SFMBT2: variants seen among roughly 807,000 people sequenced by gnomAD.
SFMBT2 encodes scm-like with four MBT domains protein 2.
Under a neutral mutation model 110.1 loss-of-function variants are expected in SFMBT2, and 38 were observed. The ratio of observed to expected loss-of-function variants is 0.35; its 90% confidence interval spans 0.27 to 0.45. SFMBT2 has a LOEUF of 0.45. Ranked by LOEUF, SFMBT2 falls within the 20% of genes least tolerant of loss-of-function variation. SFMBT2 has a pLI of 1.00. For missense variants in SFMBT2, 1,011 were observed against 1,094.9 expected (o/e 0.92, Z 1.08); for synonymous variants, 425 against 425.4 (o/e 1.00, Z 0.01).
Position 7,171,977 on chromosome 10 carries a change from G to C in SFMBT2, c.2333C>G (p.Thr778Arg). The change falls in exon 19 of 21, where the codon ACA (threonine) becomes AGA (arginine). Residue 778 changes from threonine to arginine, a missense_variant. By Grantham distance (71) the Thr-to-Arg change is moderately conservative (BLOSUM62 -1). This residue lies in a region of SFMBT2 where 979 missense variants were observed against 1,016.1 expected (regional missense o/e 0.96). Coordinates refer to ENST00000397167, the MANE Select transcript of SFMBT2 (RefSeq NM_001387889.1). The surrounding 1 kb of genome is among the most constrained non-coding windows in gnomAD (Gnocchi z 4.9). ...AGCCGGCGCCCCGCGGCCCCTTCGT[G>C]TCCTCTCTGGGGGTGGCCGGCGCAC... Reference protein sequence around the residue: ...EPVRRPPPERTRRGRGAPAAS... With the variant: ...EPVRRPPPERRRRGRGAPAAS... 6.5e-7 allele frequency: 1 copy of C among 1,532,054 alleles called. No individual in the cohort carries two copies. The highest frequency in any genetic ancestry group is 8.7e-7 in the Non-Finnish European group (1 of 1,143,022). The allele number at this position is 1,532,054 out of a possible 1,614,324, so 94.9% of individuals were successfully genotyped here.
intron 4 of SFMBT2, among the ~76,000 whole-genome samples, chr10:7,344,034 C>T (rs1356309446): frequency 6.6e-6 from 1 of 152,162 alleles, no homozygotes; most frequent in Non-Finnish European, 1.5e-5. Context: ...CTGAAAGATA[C>T]CACAGTAAGC....
At chr10:7,328,565 G>A (rs185300786) in intron 4 of SFMBT2, among the ~76,000 whole-genome samples, 4 of 152,244 alleles carry the variant, frequency 2.6e-5, no homozygotes, top group South Asian at 2.1e-4. Context: ...TCTTCTAAAC[G>A]TTTTACAGCT....
At chr10:7,362,942 T>C (rs893879828) in intron 4 of SFMBT2, among the ~76,000 whole-genome samples, 3 of 152,210 alleles carry the variant, frequency 2.0e-5, no homozygotes, top group Non-Finnish European at 2.9e-5. Flanking sequence ...GTGCATTATA[T>C]AGGAAAACTA....
intron 4 of SFMBT2, among the ~76,000 whole-genome samples, chr10:7,330,237 C>T (rs764591121): frequency 4.6e-5 from 7 of 152,084 alleles, no homozygotes; most frequent in East Asian, 3.8e-4. Context: ...TACCTTCAGC[C>T]GACTTTATAA....
intron 4 of SFMBT2, 143 bp from the exon 5 acceptor site, chr10:7,286,097 A>C: frequency 1.6e-6 from 1 of 610,212 alleles, no homozygotes; most frequent in East Asian, 2.8e-5. Flanking sequence ...TTTCATCACC[A>C]TGCTTAAGTA....
chr10:7,225,226 G>A (rs1839863839), intron 10 of SFMBT2, among the ~76,000 whole-genome samples: 1 of 152,184 alleles, frequency 6.6e-6, no homozygotes, highest in South Asian at 2.1e-4. Flanking sequence ...TCCACCGCTT[G>A]AGGGTAATTT....
intron 9 of SFMBT2, among the ~76,000 whole-genome samples, chr10:7,241,531 C>T (rs746480828): frequency 1.2e-4 from 18 of 151,946 alleles, no homozygotes; most frequent in Non-Finnish European, 1.6e-4. Context: ...TTTTACCTTA[C>T]CAAATATCAC....
chr10:7,388,422 A>G (rs1242698561), intron 1 of SFMBT2, among the ~76,000 whole-genome samples: 1 of 151,518 alleles, frequency 6.6e-6, no homozygotes, highest in Admixed American at 6.6e-5. Context: ...CAATGGCCCA[A>G]TCTTGGCTCA....
At chr10:7,254,568 TC>T (rs767121500) in intron 7 of SFMBT2, among the ~76,000 whole-genome samples, 4 of 152,040 alleles carry the variant, frequency 2.6e-5, no homozygotes, top group Admixed American at 6.5e-5. Flanking sequence ...ACATCTGTAA[TC>T]CCAGCACTTT....
intron 2 of SFMBT2, among the ~76,000 whole-genome samples, chr10:7,375,358 A>G (rs1051658710): frequency 2.0e-5 from 3 of 152,218 alleles, no homozygotes; most frequent in African/African-American, 7.2e-5. Flanking sequence ...GGCTGACTTT[A>G]CAAGGCTGAA....
intron 4 of SFMBT2, among the ~76,000 whole-genome samples, chr10:7,312,228 T>A (rs142307057): frequency 1.5e-3 from 233 of 150,406 alleles, no homozygotes; most frequent in African/African-American, 5.2e-3. Context: ...AAGTATAATT[T>A]AAAAAAAAAA....
intron 4 of SFMBT2, among the ~76,000 whole-genome samples, chr10:7,328,950 A>C (rs1018742219): frequency 3.3e-5 from 5 of 152,220 alleles, no homozygotes; most frequent in Non-Finnish European, 5.9e-5. Context: ...TGTGAGATCC[A>C]AGCAGCCCAT....
chr10:7,370,172 T>G, intron 3 of SFMBT2, 109 bp downstream of exon 3: 1 of 974,350 alleles, frequency 1.0e-6, no homozygotes, highest in Non-Finnish European at 1.6e-6. Context: ...TGGCCACGAA[T>G]TTCCCTCTTT....
At chr10:7,182,430 CAT>C (rs1838270568) in intron 16 of SFMBT2, among the ~76,000 whole-genome samples, 3 of 152,244 alleles carry the variant, frequency 2.0e-5, no homozygotes, top group Admixed American at 6.5e-5. Context: ...ATACCAATGA[CAT>C]AACTTTGTAG....
At chr10:7,265,713 T>C (rs145842996) in intron 7 of SFMBT2, among the ~76,000 whole-genome samples, 2 of 152,330 alleles carry the variant, frequency 1.3e-5, no homozygotes, top group African/African-American at 4.8e-5. Flanking sequence ...TATTCAGAAC[T>C]ACTCACAGGA....
rs764439456 is a variant in SFMBT2 at position 7,172,673 on chromosome 10, A to T, written c.1985-12T>A. 1 of 1,607,178 alleles carries T rather than the reference A, an allele frequency of 6.2e-7. No individual in the cohort carries two copies. Among genetic ancestry groups the T allele is most frequent in the South Asian group, 1.1e-5 (1 of 90,578 alleles). ...TCCATAGTAATAGGCTGTAGGAAGG[A>T]AGATGAGAAACTTTTGAAGGCTATA... On this transcript the variant is annotated splice_polypyrimidine_tract_variant and intron_variant, in intron 17 of 20. Transcript: ENST00000397167. This position sits in a 1 kb window ranked among gnomAD's most constrained non-coding sequence, Gnocchi z 4.6.
chr10:7,291,860 C>T (rs1240706109), intron 4 of SFMBT2, among the ~76,000 whole-genome samples: 1 of 152,090 alleles, frequency 6.6e-6, no homozygotes, highest in Admixed American at 6.5e-5. Context: ...AGGAGAGAAT[C>T]CGTGAAGTGA....
rs1837623433 is a variant in SFMBT2 at position 7,163,985 on chromosome 10, AG to A, written c.2545-76del. 2 of 1,510,064 alleles carry A rather than the reference AG, an allele frequency of 1.3e-6. No homozygotes were observed. The highest frequency in any genetic ancestry group is 1.8e-6 in the Non-Finnish European group (2 of 1,129,616). The allele number at this position is 1,510,064 out of a possible 1,614,324, so 93.5% of individuals were successfully genotyped here. A position where few individuals can be genotyped will look rare whatever the true frequency, so the allele number is the denominator to read the frequency against. ...ACACAGATGCGTCACAGCAGGCTCC[AG>A]TCCGGGGCCAAACATGACAACAGGA... On this transcript the variant is annotated intron_variant, in intron 20 of 20. Transcript: ENST00000397167. The surrounding 1 kb of genome is among the most constrained non-coding windows in gnomAD (Gnocchi z 4.8).
At position 7,351,761 on chromosome 10, in the gene SFMBT2, G is replaced by A. The variant is rs539398290; in HGVS notation, c.436+15888C>T. On this transcript the variant is annotated intron_variant, in intron 4 of 20. Coordinates refer to ENST00000397167, the MANE Select transcript of SFMBT2 (RefSeq NM_001387889.1). ...CCGAGTGAGGAGCTACTGGCTAAGG[G>A]AAAGACACTGTACCCGTGTGGCTGT... Among the ~76,000 whole-genome samples, 11 of 152,180 alleles carry A rather than the reference G, an allele frequency of 7.2e-5. 1 individual carries two copies. The highest frequency in any genetic ancestry group is 7.2e-4 in the Admixed American group (11 of 15,290).
Sources: gnomAD v4.1 joint callset for allele counts (sites outside exome capture counted in the v4.1 genomes callset) on GRCh38, gnomAD v4.1.1 for gene constraint, gnomAD v4.1.1 regional missense constraint, Gnocchi (gnomAD v3.1) non-coding constraint, MANE v1.5 for transcripts, NCBI Gene and HGNC (gene_info 2026-07-23, HGNC 2026-07-21) for gene names.